The following DSC1 variants were observed in gnomAD, a reference collection of about 807,000 sequenced individuals.
The protein encoded by DSC1 is desmocollin 1.
Under a neutral mutation model 98.8 loss-of-function variants are expected in DSC1, and 79 were observed. The observed-to-expected ratio is 0.80, with a 90% CI of 0.67 to 0.96. The LOEUF (loss-of-function observed/expected upper bound fraction) is 0.96. DSC1 is among the 50% of genes least tolerant of loss of function. The pLI is 0.00. For missense variants in DSC1, 1,115 were observed against 1,075.9 expected (o/e 1.04, Z -0.51); for synonymous variants, 405 against 372.1 (o/e 1.09, Z -1.02).
intron 2 of DSC1, among the ~76,000 whole-genome samples, chr18:31,159,047 G>GTTTTGTTTTTTTTTTTTTTTT (rs1555646386): frequency 1.4e-5 from 1 of 71,098 alleles, no homozygotes; most frequent in African/African-American, 5.8e-5. Context: ...CTACTATGTG[G>GTTTTGTTTTTTTTTTTTTTTT]TTTTTTTTTT....
In DSC1 at chr18:31,157,396, A is replaced by G. The variant is rs147007379; in HGVS notation, c.326T>C (p.Val109Ala). 6.6e-5 allele frequency: 107 copies of G among 1,614,168 alleles called. 1 individual carries two copies. The African/African-American group carries it at 1.2e-3, about 19-fold the overall frequency. The change falls in exon 3 of 16, where the codon GTT (valine) becomes GCT (alanine). Residue 109 changes from valine (V) to alanine (A), a missense_variant. Physicochemically the swap from Val to Ala is moderately conservative, Grantham distance 64. Transcript: ENST00000257198. ...CTTGTTTTCTCTTGCTGACAGTACA[A>G]CTTTTATCTCTTGTTGTTCCCGTCT... ...GQRREQQEIKVVLSARENKSP... is the reference protein window; with the variant it reads ...GQRREQQEIKAVLSARENKSP...
At chr18:31,157,608 T>C (rs755519078) in intron 2 of DSC1, 35 bp from the exon 3 acceptor site, 1 of 1,611,950 alleles carries the variant, frequency 6.2e-7, no homozygotes, top group Non-Finnish European at 8.5e-7. Context: ...GTTTGTCAGA[T>C]GAAACAGGAG....
chr18:31,132,197 A>G (rs1988508619), intron 14 of DSC1: 4 of 353,232 alleles, frequency 1.1e-5, no homozygotes, highest in Admixed American at 8.8e-5. Context: ...GAGAATCGCC[A>G]TATGAAGATT....
intron 2 of DSC1, among the ~76,000 whole-genome samples, chr18:31,157,989 G>A (rs928381246): frequency 6.6e-6 from 1 of 152,062 alleles, no homozygotes; most frequent in Non-Finnish European, 1.5e-5. Context: ...CCAAAAATAA[G>A]AAAACTAAGT....
chr18:31,154,718 T>C (rs1989061338), intron 5 of DSC1, 56 bp downstream of exon 5: 2 of 1,399,660 alleles, frequency 1.4e-6, no homozygotes, highest in Non-Finnish European at 1.9e-6. Context: ...TAGTTGAAAA[T>C]ATTAGTAAGC....
At position 31,159,432 on chromosome 18, in the gene DSC1, T is replaced by C. The variant is rs777810215; in HGVS notation, c.148+13A>G. ...CAAGTTACAGCTATGAAACTGTTAA[T>C]AGTGTTTCTCACCTTTGCCTACAAG... On this transcript the variant is annotated intron_variant, in intron 2 of 15. Coordinates refer to ENST00000257198, the MANE Select transcript of DSC1 (RefSeq NM_024421.2). The C allele has an allele frequency of 2.5e-6, 4 of 1,610,632 alleles. No homozygotes were observed. The highest frequency in any genetic ancestry group is 2.5e-6 in the Non-Finnish European group (3 of 1,177,886).
chr18:31,152,006 A>G (rs1189058594), intron 5 of DSC1, among the ~76,000 whole-genome samples: 1 of 152,084 alleles, frequency 6.6e-6, no homozygotes, highest in African/African-American at 2.4e-5. Context: ...TACGAAAAAT[A>G]CAAAGATTAG....
At chr18:31,159,333 G>A (rs927415089) in intron 2 of DSC1, 112 bp downstream of exon 2, 9 of 1,011,538 alleles carry the variant, frequency 8.9e-6, no homozygotes, top group Admixed American at 4.5e-5. Flanking sequence ...GATTACAGGC[G>A]TGAGCCACCG....
chr18:31,152,755 C>T (rs182978654), intron 5 of DSC1, among the ~76,000 whole-genome samples: 66 of 152,102 alleles, frequency 4.3e-4, no homozygotes, highest in African/African-American at 1.5e-3. Context: ...TACCAATTCC[C>T]AGAAACATAC....
chr18:31,141,782 A>G (rs1988741620), intron 9 of DSC1, among the ~76,000 whole-genome samples: 1 of 152,174 alleles, frequency 6.6e-6, no homozygotes, highest in Non-Finnish European at 1.5e-5. Context: ...GGTTTTCTTC[A>G]TATAGAGAAC....
rs187021114 is a variant in DSC1 at position 31,157,743 on chromosome 18, A to T, written c.149-170T>A. ...ACGTGGGGGCCATGAAAATTAAATAATTATATTAATGGAGTCACATTTTCC... is the reference window on the plus strand; with the variant it reads ...ACGTGGGGGCCATGAAAATTAAATATTTATATTAATGGAGTCACATTTTCC... On this transcript the variant is annotated intron_variant, in intron 2 of 15. Coordinates refer to ENST00000257198, the MANE Select transcript of DSC1 (RefSeq NM_024421.2). 3.9e-5 allele frequency among the ~76,000 whole-genome samples: 6 copies of T among 152,356 alleles called. No individual in the cohort carries two copies. In the East Asian group the frequency reaches 1.2e-3, roughly 29 times the overall value.
intron 14 of DSC1, chr18:31,132,166 G>A: frequency 2.6e-6 from 1 of 384,856 alleles, no homozygotes; most frequent in Non-Finnish European, 4.8e-6. Context: ...GGGGAAATTT[G>A]GACACAGACA....
At position 31,157,381 on chromosome 18, in the gene DSC1, C is replaced by G; in HGVS notation, c.341G>C (p.Arg114Thr). Residue 114 changes from arginine to threonine, a missense_variant, in exon 3 of 16, where the codon AGA (arginine) becomes ACA (threonine). Arg to Thr is a moderately conservative substitution (Grantham distance 71, BLOSUM62 -1). Transcript: ENST00000257198. Reference sequence around the variant, plus strand: ...GCCCTTGCCTTATACCTTGTTTTCTCTTGCTGACAGTACAACTTTTATCTC... The same window carrying G: ...GCCCTTGCCTTATACCTTGTTTTCTGTTGCTGACAGTACAACTTTTATCTC... ...QQEIKVVLSARENKSPKKRHT... is the reference protein window; with the variant it reads ...QQEIKVVLSATENKSPKKRHT... 6.2e-7 allele frequency: 1 copy of G among 1,614,114 alleles called. No individual in the cohort carries two copies. Among genetic ancestry groups the G allele is most frequent in the Non-Finnish European group, 8.5e-7 (1 of 1,180,018 alleles).
chr18:31,145,815 T>A, intron 6 of DSC1, 38 bp from the exon 7 acceptor site: 1 of 1,581,674 alleles, frequency 6.3e-7, no homozygotes, highest in Non-Finnish European at 8.6e-7. Context: ...AAATTTCTAC[T>A]CATATAATTG....
Position 31,162,614 on chromosome 18 carries a change from C to CAGGGA in DSC1, c.-25_-21dup, listed in dbSNP as rs1479291076. On this transcript the variant is annotated 5_prime_UTR_variant, in exon 1 of 16. Transcript: ENST00000257198. Reference sequence around the variant, plus strand: ...AGCCATCAGAAGCAGTCCCAATGGCCAGGGACGGTGGCCAGATAACAGGGC... The same window carrying CAGGGA: ...AGCCATCAGAAGCAGTCCCAATGGCCAGGGAAGGGACGGTGGCCAGATAACAGGGC... 6.2e-7 allele frequency: 1 copy of CAGGGA among 1,613,668 alleles called. No homozygotes were observed. The highest frequency in any genetic ancestry group is 8.5e-7 in the Non-Finnish European group (1 of 1,179,652).
chr18:31,159,047 G>GTTTATTTTTTTTTTT (rs1989154864), intron 2 of DSC1, among the ~76,000 whole-genome samples: 1 of 71,098 alleles, frequency 1.4e-5, no homozygotes, highest in African/African-American at 5.8e-5. Context: ...CTACTATGTG[G>GTTTATTTTTTTTTTT]TTTTTTTTTT....
rs763004841 is a variant in DSC1 at position 31,148,537 on chromosome 18, T to G, written c.733A>C (p.Arg245=). The change falls in exon 6 of 16, where the codon AGA becomes CGA. Residue 245 remains arginine (R), a synonymous_variant. Transcript: ENST00000257198. The part of the protein sequence containing the change: ...DNDNAPYFEH[R]VTIFTVPENC... Reference sequence around the variant, plus strand: ...TCAGGCACAGTAAAGATAGTCACTCTGTGTTCAAAATATGGGGCGTTATCA... The same window carrying G: ...TCAGGCACAGTAAAGATAGTCACTCGGTGTTCAAAATATGGGGCGTTATCA... 9.9e-6 allele frequency: 16 copies of G among 1,611,124 alleles called. No individual in the cohort carries two copies. The highest frequency in any genetic ancestry group is 1.2e-5 in the Non-Finnish European group (14 of 1,177,906).
chr18:31,143,616 A>G (rs1425049408), intron 8 of DSC1, 41 bp downstream of exon 8: 1 of 1,425,830 alleles, frequency 7.0e-7, no homozygotes. Context: ...TTTTTGAAAA[A>G]GTAGATAAAT....
intron 5 of DSC1, among the ~76,000 whole-genome samples, chr18:31,150,195 TCATCAC>T (rs1988939301): frequency 8.1e-6 from 1 of 123,036 alleles, no homozygotes; most frequent in Non-Finnish European, 1.7e-5. Flanking sequence ...ACCACCATCA[TCATCAC>T]CACCACCACC....
Sources: gnomAD v4.1 joint callset for allele counts (sites outside exome capture counted in the v4.1 genomes callset) on GRCh38, gnomAD v4.1.1 for gene constraint, MANE v1.5 for transcripts, NCBI Gene and HGNC (gene_info 2026-07-23, HGNC 2026-07-21) for gene names.